GPLD1: variants seen among roughly 807,000 people sequenced by gnomAD.
GPLD1 encodes the protein glycosylphosphatidylinositol specific phospholipase D1, also known as phosphatidylinositol-glycan-specific phospholipase D.
Under a neutral mutation model 112.6 loss-of-function variants are expected in GPLD1, and 84 were observed. The observed-to-expected ratio is 0.75, with a 90% confidence interval of 0.63 to 0.89. The LOEUF is 0.89. Among genes scored for constraint, GPLD1 ranks in the 40% least tolerant of loss-of-function variants. GPLD1 has a pLI of 0.00. For missense variants in GPLD1, 1,044 were observed against 1,051.5 expected, an observed-to-expected ratio of 0.99 and a Z score of 0.10; for synonymous variants, 386 against 403.8, an observed-to-expected ratio of 0.96 and a Z score of 0.53.
rs958284470 is a variant in GPLD1, at chr6:24,427,444, G to A, written c.*1588C>T. On this transcript the variant is annotated 3_prime_UTR_variant, in exon 25 of 25. Coordinates refer to ENST00000230036, the MANE Select transcript of GPLD1 (RefSeq NM_001503.4). Reference sequence around the variant, plus strand: ...GTGTCGCTAGGCTCTTTAGGTGTTAGAACAGCCAACTCTACAAAAGTATTG... The same window carrying A: ...GTGTCGCTAGGCTCTTTAGGTGTTAAAACAGCCAACTCTACAAAAGTATTG... Among the ~76,000 whole-genome samples the A allele has an allele frequency of 5.3e-5, 8 of 152,218 alleles. No individual in the cohort carries two copies. The highest frequency in any genetic ancestry group is 1.9e-4 in the African/African-American group (8 of 41,464).
chr6:24,468,240 G>A (rs939120114), intron 7 of GPLD1, among the ~76,000 whole-genome samples: 1 of 152,164 alleles, frequency 6.6e-6, no homozygotes, highest in Non-Finnish European at 1.5e-5. Context: ...TTGCTACAAA[G>A]ATTAAAAGCT....
At chr6:24,464,126 C>T (rs80165090) in intron 10 of GPLD1, among the ~76,000 whole-genome samples, 4,592 of 152,222 alleles carry the variant, frequency 0.03, 149 homozygotes, top group African/African-American at 0.07. Context: ...TGTTATGAGT[C>T]CTTCCAATAC....
intron 20 of GPLD1, among the ~76,000 whole-genome samples, chr6:24,438,090 A>G (rs546508510): frequency 1.3e-5 from 2 of 152,324 alleles, no homozygotes; most frequent in South Asian, 4.1e-4. Flanking sequence ...TACAGGGGAC[A>G]TGAGCTGTGC....
Position 24,437,096 on chromosome 6 carries a change from T to G in GPLD1, c.2197+17A>C, listed in dbSNP as rs747706183. 5.6e-6 allele frequency: 9 copies of G among 1,611,280 alleles called. No homozygotes were observed. Among genetic ancestry groups the G allele is most frequent in the Non-Finnish European group, 7.6e-6 (9 of 1,177,498 alleles). ...AAGGGACTCAATTCTTGTCAAAGGG[T>G]CCTGTTCCTTTCTTACCTAAGCCAT... On this transcript the variant is annotated intron_variant, in intron 21 of 24. Transcript: ENST00000230036.
intron 1 of GPLD1, among the ~76,000 whole-genome samples, chr6:24,488,637 CG>C (rs983367194): frequency 3.3e-5 from 5 of 151,516 alleles, no homozygotes; most frequent in Non-Finnish European, 7.4e-5. Context: ...GTGGGGGGGG[CG>C]GATGTGTTAA....
upstream of GPLD1, chr6:24,495,283 G>C: frequency 6.5e-7 from 1 of 1,533,006 alleles, no homozygotes; most frequent in Admixed American, 2.0e-5. Context: ...TGCGGGGTGC[G>C]AGAGGCCCGC....
upstream of GPLD1, among the ~76,000 whole-genome samples, chr6:24,493,887 C>T (rs929103610): frequency 2.0e-5 from 3 of 152,338 alleles, no homozygotes; most frequent in Non-Finnish European, 2.9e-5. Flanking sequence ...GATATGTAAC[C>T]TAAAATCAAT....
At chr6:24,454,589 G>A (rs768957354) in intron 13 of GPLD1, among the ~76,000 whole-genome samples, 16 of 152,188 alleles carry the variant, frequency 1.1e-4, no homozygotes, top group Non-Finnish European at 2.2e-4. Flanking sequence ...TGCTCAATTC[G>A]TTTCAATGTG....
intron 12 of GPLD1, among the ~76,000 whole-genome samples, chr6:24,459,035 A>C (rs980301225): frequency 3.9e-5 from 6 of 152,138 alleles, no homozygotes; most frequent in African/African-American, 1.4e-4. Context: ...TTAGCTTCCT[A>C]AGCCTCTCAT....
At chr6:24,433,467 T>C in intron 22 of GPLD1, 78 bp from the exon 23 acceptor site, 1 of 921,880 alleles carries the variant, frequency 1.1e-6, no homozygotes, top group African/African-American at 1.7e-5. Context: ...AATTATACCC[T>C]TATACCCTCA....
intron 2 of GPLD1, among the ~76,000 whole-genome samples, chr6:24,482,944 C>T (rs1764253700): frequency 6.6e-6 from 1 of 150,986 alleles, no homozygotes; most frequent in South Asian, 2.1e-4. Context: ...GACCCTATCT[C>T]AAAAAAAATA....
At chr6:24,432,587 C>T (rs1315799757) in intron 24 of GPLD1, among the ~76,000 whole-genome samples, 1 of 152,018 alleles carries the variant, frequency 6.6e-6, no homozygotes, top group Non-Finnish European at 1.5e-5. Context: ...GGCGACAGAG[C>T]AAGGTTCTGT....
At chr6:24,476,728 G>T (rs1764032012) in intron 3 of GPLD1, among the ~76,000 whole-genome samples, 2 of 152,142 alleles carry the variant, frequency 1.3e-5, no homozygotes, top group African/African-American at 4.8e-5. Flanking sequence ...ATGCTTTCAA[G>T]CATTTGATTT....
upstream of GPLD1, among the ~76,000 whole-genome samples, chr6:24,491,614 G>A (rs998463427): frequency 2.0e-5 from 3 of 151,884 alleles, no homozygotes; most frequent in Admixed American, 6.6e-5. Context: ...AGGCTGAGGC[G>A]GGAACATCGC....
intron 3 of GPLD1, among the ~76,000 whole-genome samples, chr6:24,479,405 T>C (rs773793731): frequency 2.0e-4 from 31 of 152,220 alleles, no homozygotes; most frequent in African/African-American, 7.0e-4. Context: ...TTACAAATAA[T>C]AGTATCTGCG....
chr6:24,475,776 T>C (rs1468356023), intron 4 of GPLD1, among the ~76,000 whole-genome samples: 1 of 150,970 alleles, frequency 6.6e-6, no homozygotes, highest in Non-Finnish European at 1.5e-5. Flanking sequence ...GAGAATGGCA[T>C]GAACCCGGGA....
intron 1 of GPLD1, 70 bp downstream of exon 1, chr6:24,489,345 C>T: frequency 8.5e-7 from 1 of 1,173,578 alleles, no homozygotes; most frequent in Non-Finnish European, 1.3e-6. Flanking sequence ...GCGGGATTTT[C>T]AGTCTCTTCC....
intron 5 of GPLD1, among the ~76,000 whole-genome samples, chr6:24,474,174 T>C (rs57950928): frequency 0.041 from 5,947 of 145,554 alleles, 352 homozygotes; most frequent in African/African-American, 0.14. Flanking sequence ...CACACCCACA[T>C]ACACACACAC....
intron 1 of GPLD1, among the ~76,000 whole-genome samples, chr6:24,486,583 G>A (rs958500136): frequency 3.3e-5 from 5 of 152,164 alleles, no homozygotes; most frequent in Non-Finnish European, 7.4e-5. Flanking sequence ...TTGGGAGGCC[G>A]AGGAGGGCGG....
Sources: allele counts gnomAD v4.1 joint callset (sites outside exome capture counted in the v4.1 genomes callset), GRCh38; gene constraint gnomAD v4.1.1; transcripts MANE v1.5; gene names NCBI Gene and HGNC (gene_info 2026-07-23, HGNC 2026-07-21).